FARS2: variants seen among roughly 807,000 people sequenced by gnomAD.
The protein encoded by FARS2 is phenylalanyl-tRNA synthetase 2, mitochondrial, also known as phenylalanine--tRNA ligase, mitochondrial.
FARS2 carries 40 observed loss-of-function variants against 46.4 expected under a neutral mutation model. That is an observed-to-expected ratio of 0.86 (90% CI 0.67 to 1.12). FARS2 has a LOEUF of 1.12. Ranked by LOEUF, FARS2 falls within the 50% of genes most tolerant of loss-of-function variation. The pLI, the probability that FARS2 is intolerant of heterozygous loss-of-function variation, is 0.00. For synonymous variants in FARS2, 234 were observed against 214.9 expected, an observed-to-expected ratio of 1.09 and a Z score of -0.78; for missense variants, 513 against 567.9, an observed-to-expected ratio of 0.90 and a Z score of 0.98.
chr6:5,366,486 T>C (rs1758687151), intron 1 of FARS2, among the ~76,000 whole-genome samples: 1 of 152,178 alleles, frequency 6.6e-6, no homozygotes, highest in Admixed American at 6.5e-5. Context: ...GATACTTTTC[T>C]GTGTGGGGTG....
At chr6:5,689,664 A>G (rs1757535479) in intron 6 of FARS2, among the ~76,000 whole-genome samples, 1 of 151,870 alleles carries the variant, frequency 6.6e-6, no homozygotes, top group African/African-American at 2.4e-5. Flanking sequence ...GCTGAAAAAA[A>G]TGTATATTCT....
chr6:5,683,583 G>GT (rs2150839278), intron 6 of FARS2, among the ~76,000 whole-genome samples: 1 of 151,750 alleles, frequency 6.6e-6, no homozygotes, highest in African/African-American at 2.4e-5. Context: ...AAAGAGCAGT[G>GT]TTTTTTTGTT....
intron 1 of FARS2, among the ~76,000 whole-genome samples, chr6:5,331,605 G>A (rs530416311): frequency 6.6e-6 from 1 of 152,324 alleles, no homozygotes; most frequent in South Asian, 2.1e-4. Flanking sequence ...GTGTAAGGGA[G>A]AGCTGGGGAT....
intron 6 of FARS2, among the ~76,000 whole-genome samples, chr6:5,622,101 C>T (rs1775805807): frequency 1.3e-5 from 2 of 152,246 alleles, no homozygotes; most frequent in Admixed American, 6.5e-5. Flanking sequence ...TCCTGGGGTG[C>T]TGGGCCACCT....
At chr6:5,513,141 C>G (rs559664937) in intron 4 of FARS2, among the ~76,000 whole-genome samples, 28 of 152,186 alleles carry the variant, frequency 1.8e-4, no homozygotes, top group African/African-American at 5.8e-4. Flanking sequence ...TGGAGAGAAA[C>G]TAGGTTCACG....
At chr6:5,545,364 A>T (rs775298577) in intron 5 of FARS2, 24 bp downstream of exon 5, 1 of 1,573,006 alleles carries the variant, frequency 6.4e-7, no homozygotes, top group Non-Finnish European at 8.7e-7. Flanking sequence ...CAAGAACTGA[A>T]TAGATAATAA....
chr6:5,494,126 C>CTTTTTTTTTTTTTT (rs56775720), intron 4 of FARS2, among the ~76,000 whole-genome samples: 1 of 131,240 alleles, frequency 7.6e-6, no homozygotes. Context: ...TTTTTTTTTT[C>CTTTTTTTTTTTTTT]TTTTTTTTTT....
At chr6:5,310,515 A>C (rs913773156) in intron 1 of FARS2, among the ~76,000 whole-genome samples, 2 of 152,146 alleles carry the variant, frequency 1.3e-5, no homozygotes, top group Non-Finnish European at 2.9e-5. Flanking sequence ...ATTAAAAAAA[A>C]CTCATAGAAA....
intron 4 of FARS2, among the ~76,000 whole-genome samples, chr6:5,542,531 G>T (rs910190490): frequency 5.9e-5 from 9 of 152,056 alleles, no homozygotes; most frequent in Admixed American, 5.9e-4. Flanking sequence ...AAACCATTCC[G>T]TCCATTATGG....
intron 6 of FARS2, among the ~76,000 whole-genome samples, chr6:5,763,624 G>A (rs980665897): frequency 3.3e-5 from 5 of 152,090 alleles, no homozygotes; most frequent in African/African-American, 1.2e-4. Flanking sequence ...GTCATCACAG[G>A]AGCTTGGGCT....
intron 1 of FARS2, among the ~76,000 whole-genome samples, chr6:5,317,641 A>G (rs558549859): frequency 1.9e-4 from 29 of 152,036 alleles, no homozygotes; most frequent in Non-Finnish European, 4.0e-4. Flanking sequence ...TTAGCTGGGC[A>G]TGGTGATGCG....
chr6:5,720,115 A>C (rs544165550), intron 6 of FARS2, among the ~76,000 whole-genome samples: 172 of 152,364 alleles, frequency 1.1e-3, no homozygotes, highest in African/African-American at 3.8e-3. Context: ...ATAAAAAAAA[A>C]AACAACACTG....
chr6:5,481,600 G>A (rs9504407), intron 4 of FARS2, among the ~76,000 whole-genome samples: 9,653 of 152,210 alleles, frequency 0.063, 459 homozygotes, highest in African/African-American at 0.13. Context: ...ACAATTTGAT[G>A]CCATTTTCTA....
chr6:5,642,333 G>A (rs914286903), intron 6 of FARS2, among the ~76,000 whole-genome samples: 4 of 152,148 alleles, frequency 2.6e-5, no homozygotes, highest in Non-Finnish European at 1.5e-5. Context: ...GACAATCCAT[G>A]GGAAGTGCTC....
intron 6 of FARS2, among the ~76,000 whole-genome samples, chr6:5,724,489 GC>G (rs2150925774): frequency 6.6e-6 from 1 of 152,312 alleles, no homozygotes; most frequent in East Asian, 1.9e-4. Flanking sequence ...CCCCAGGGTG[GC>G]CCACAGCCAA....
intron 1 of FARS2, among the ~76,000 whole-genome samples, chr6:5,354,888 C>G (rs1257217203): frequency 2.0e-5 from 3 of 152,100 alleles, no homozygotes; most frequent in Non-Finnish European, 4.4e-5. Context: ...CTGATGTGCC[C>G]TGCCCCAGAG....
At chr6:5,599,207 A>G (rs892195943) in intron 5 of FARS2, among the ~76,000 whole-genome samples, 1 of 152,122 alleles carries the variant, frequency 6.6e-6, no homozygotes, top group African/African-American at 2.4e-5. Context: ...TAGCATCTCC[A>G]CTCATTTTAA....
chr6:5,619,170 T>C (rs1775632843), intron 6 of FARS2, among the ~76,000 whole-genome samples: 1 of 152,180 alleles, frequency 6.6e-6, no homozygotes, highest in Admixed American at 6.5e-5. Flanking sequence ...TTATGAACTG[T>C]GGAGATGGAC....
At chr6:5,308,640 C>T (rs1460082763) in intron 1 of FARS2, among the ~76,000 whole-genome samples, 6 of 152,212 alleles carry the variant, frequency 3.9e-5, no homozygotes, top group Admixed American at 6.5e-5. Flanking sequence ...CCTTATCATG[C>T]GCTGGTATCA....
Sources: allele counts gnomAD v4.1 joint callset (sites outside exome capture counted in the v4.1 genomes callset), GRCh38; gene constraint gnomAD v4.1.1; transcripts MANE v1.5; gene names NCBI Gene and HGNC (gene_info 2026-07-23, HGNC 2026-07-21).